The following GALNTL6 variants were observed in gnomAD, a reference collection of about 807,000 sequenced individuals.
GALNTL6 encodes polypeptide N-acetylgalactosaminyltransferase-like 6.
In GALNTL6, 46 loss-of-function variants were observed where a neutral mutation model predicts 73.7. The ratio of observed to expected loss-of-function variants is 0.62; its 90% CI spans 0.49 to 0.80. GALNTL6 has a LOEUF of 0.80. GALNTL6 is among the 30% of genes least tolerant of loss of function. The probability of loss-of-function intolerance (pLI) is 0.00; values close to 1 mark genes in which losing one functional copy is unlikely to be tolerated. For missense variants in GALNTL6, 604 were observed against 755.0 expected, an observed-to-expected ratio of 0.80 and a Z score of 2.34; for synonymous variants, 259 against 263.7, an observed-to-expected ratio of 0.98 and a Z score of 0.17.
At chr4:171,901,715 A>G (rs1172229767) in intron 2 of GALNTL6, among the ~76,000 whole-genome samples, 2 of 152,204 alleles carry the variant, frequency 1.3e-5, no homozygotes, top group East Asian at 1.9e-4. Context: ...TTGTTTTACA[A>G]TTCTAAACTG....
chr4:171,989,338 G>A (rs1740250302), intron 2 of GALNTL6, among the ~76,000 whole-genome samples: 1 of 152,206 alleles, frequency 6.6e-6, no homozygotes, highest in Non-Finnish European at 1.5e-5. Context: ...CAGTCAGAGA[G>A]CCTTGGGCCA....
intron 7 of GALNTL6, among the ~76,000 whole-genome samples, chr4:172,836,986 C>A (rs981503790): frequency 2.0e-5 from 3 of 152,074 alleles, no homozygotes; most frequent in Admixed American, 2.0e-4. Context: ...GGAAAGTTAC[C>A]CTTGCGAAAA....
rs1216759782 is a variant in GALNTL6, at chr4:172,809,726, A to T, written c.739+180A>T. On this transcript the variant is annotated intron_variant, in intron 6 of 12. Transcript: ENST00000506823. This position sits in a 1 kb window ranked among gnomAD's most constrained non-coding sequence, Gnocchi z 4.4. ...TTACTAGGTAACTGTTTTAGGCAGT[A>T]TTCTAGGTAATGCCATAAAATTGGC... Among the ~76,000 whole-genome samples the T allele has an allele frequency of 6.6e-6, 1 of 152,192 alleles. No individual in the cohort carries two copies. The highest frequency in any genetic ancestry group is 2.4e-5 in the African/African-American group (1 of 41,450).
chr4:171,987,546 G>T (rs1740139477), intron 2 of GALNTL6, among the ~76,000 whole-genome samples: 1 of 152,192 alleles, frequency 6.6e-6, no homozygotes, highest in African/African-American at 2.4e-5. Flanking sequence ...AAGCCAATTT[G>T]CCAGTCCTGG....
At chr4:172,264,150 G>A (rs1738352446) in intron 3 of GALNTL6, among the ~76,000 whole-genome samples, 1 of 151,400 alleles carries the variant, frequency 6.6e-6, no homozygotes, top group Non-Finnish European at 1.5e-5. Flanking sequence ...TGAATATCAA[G>A]GAAGACAACT....
intron 6 of GALNTL6, among the ~76,000 whole-genome samples, chr4:172,813,230 C>A (rs566342656): frequency 6.6e-6 from 1 of 152,108 alleles, no homozygotes; most frequent in Non-Finnish European, 1.5e-5. Context: ...GTTCGATTCA[C>A]GATAAAATGA....
chr4:172,165,588 G>A (rs1247449544), intron 2 of GALNTL6, among the ~76,000 whole-genome samples: 1 of 152,064 alleles, frequency 6.6e-6, no homozygotes, highest in African/African-American at 2.4e-5. Flanking sequence ...TAGAATGGTA[G>A]CACTGTTTTA....
chr4:172,470,035 G>C (rs376183021), intron 5 of GALNTL6, among the ~76,000 whole-genome samples: 1 of 152,204 alleles, frequency 6.6e-6, no homozygotes, highest in Non-Finnish European at 1.5e-5. Context: ...ATGAGGACAA[G>C]TGAGACTGCC....
At chr4:172,329,767 C>G (rs752007232) in intron 4 of GALNTL6, among the ~76,000 whole-genome samples, 1 of 152,164 alleles carries the variant, frequency 6.6e-6, no homozygotes, top group Non-Finnish European at 1.5e-5. Flanking sequence ...GATGGCAACC[C>G]ATCTGTCCCC....
chr4:172,335,262 G>T (rs1351545202), intron 4 of GALNTL6, among the ~76,000 whole-genome samples: 1 of 152,140 alleles, frequency 6.6e-6, no homozygotes, highest in South Asian at 2.1e-4. Flanking sequence ...TGCATATGTT[G>T]TACTCACATT....
chr4:172,935,759 A>G (rs1748580480), intron 9 of GALNTL6, among the ~76,000 whole-genome samples: 1 of 152,348 alleles, frequency 6.6e-6, no homozygotes, highest in Non-Finnish European at 1.5e-5. Flanking sequence ...GAATAGACCA[A>G]TAACAAGGTC....
chr4:172,333,159 A>G (rs543264555), intron 4 of GALNTL6, among the ~76,000 whole-genome samples: 1 of 152,276 alleles, frequency 6.6e-6, no homozygotes, highest in Non-Finnish European at 1.5e-5. Flanking sequence ...TAATCCCAGC[A>G]CTTTGGGAGG....
At chr4:172,222,973 A>G (rs1441374113) in intron 2 of GALNTL6, among the ~76,000 whole-genome samples, 1 of 152,014 alleles carries the variant, frequency 6.6e-6, no homozygotes, top group Non-Finnish European at 1.5e-5. Flanking sequence ...TTTTGCAAAT[A>G]TTTTAATTAG....
chr4:172,758,462 G>A (rs949139183), intron 5 of GALNTL6, among the ~76,000 whole-genome samples: 1 of 152,150 alleles, frequency 6.6e-6, no homozygotes, highest in African/African-American at 2.4e-5. Flanking sequence ...CTTGAACCCA[G>A]GAGGCAGAGG....
At chr4:172,456,908 A>C (rs1732418521) in intron 5 of GALNTL6, among the ~76,000 whole-genome samples, 1 of 152,154 alleles carries the variant, frequency 6.6e-6, no homozygotes, top group Non-Finnish European at 1.5e-5. Flanking sequence ...TGTCAGATTC[A>C]CCAAGGTTGA....
At chr4:172,055,461 A>G (rs1388524651) in intron 2 of GALNTL6, among the ~76,000 whole-genome samples, 1 of 152,206 alleles carries the variant, frequency 6.6e-6, no homozygotes. Context: ...TGTTGTTGTT[A>G]CACATTTGAA....
chr4:172,983,586 T>C (rs923079005), intron 10 of GALNTL6, among the ~76,000 whole-genome samples: 4 of 152,070 alleles, frequency 2.6e-5, no homozygotes, highest in Non-Finnish European at 5.9e-5. Context: ...TACCAGCTAC[T>C]CTGGAGGCTG....
intron 8 of GALNTL6, among the ~76,000 whole-genome samples, chr4:172,905,395 G>T (rs1462028690): frequency 6.6e-6 from 1 of 152,088 alleles, no homozygotes; most frequent in Non-Finnish European, 1.5e-5. Context: ...GAAAAATCTT[G>T]TTATGATTTA....
chr4:172,853,472 G>A lies in GALNTL6; in HGVS notation c.924-29318G>A, dbSNP rs763222034. 8.3e-4 allele frequency among the ~76,000 whole-genome samples: 126 copies of A among 152,288 alleles called. 1 individual carries two copies. The highest frequency in any genetic ancestry group is 3.4e-3 in the Middle Eastern group (1 of 294). The stretch of plus-strand genomic sequence containing the variant: ...CCCACACTCATCTTCCCACTATGCA[G>A]TTTGACAAAGTTGTCTTTAAGGTTC... On this transcript the variant is annotated intron_variant, in intron 7 of 12. Coordinates refer to ENST00000506823, the MANE Select transcript of GALNTL6 (RefSeq NM_001034845.3).
Sources: allele counts gnomAD v4.1 joint callset (sites outside exome capture counted in the v4.1 genomes callset), GRCh38; gene constraint gnomAD v4.1.1; non-coding constraint Gnocchi (gnomAD v3.1); transcripts MANE v1.5; gene names NCBI Gene and HGNC (gene_info 2026-07-23, HGNC 2026-07-21).